TMTC1: variants seen among roughly 807,000 people sequenced by gnomAD.
The protein encoded by TMTC1 is transmembrane O-mannosyltransferase targeting cadherins 1.
A neutral mutation model predicts 104.8 loss-of-function variants in TMTC1; 73 were observed. That is an observed-to-expected ratio of 0.70 (90% CI 0.58 to 0.85). The LOEUF (loss-of-function observed/expected upper bound fraction) is 0.85. Among genes scored for constraint, TMTC1 ranks in the 40% least tolerant of loss-of-function variants. The probability of loss-of-function intolerance (pLI) is 0.00; values close to 1 mark genes in which losing one functional copy is unlikely to be tolerated. For synonymous variants in TMTC1, 434 were observed against 428.7 expected, an observed-to-expected ratio of 1.01 and a Z score of -0.15; for missense variants, 1,035 against 1,096.1, an observed-to-expected ratio of 0.94 and a Z score of 0.79.
At chr12:29,608,489 T>C (rs976023246) in intron 6 of TMTC1, among the ~76,000 whole-genome samples, 1 of 152,234 alleles carries the variant, frequency 6.6e-6, no homozygotes, top group Admixed American at 6.5e-5. Flanking sequence ...ACAGCCATTA[T>C]AATACATGAC....
intron 6 of TMTC1, among the ~76,000 whole-genome samples, chr12:29,610,697 G>T (rs1946823055): frequency 6.6e-6 from 1 of 152,220 alleles, no homozygotes; most frequent in Admixed American, 6.5e-5. Flanking sequence ...ACTGCGAGAT[G>T]TTTAGGGACA....
chr12:29,762,567 A>C (rs1943376412), intron 2 of TMTC1, among the ~76,000 whole-genome samples: 1 of 152,270 alleles, frequency 6.6e-6, no homozygotes, highest in South Asian at 2.1e-4. Context: ...TTATACACAC[A>C]CAGATGGACT....
At chr12:29,575,668 C>G (rs1464282192) in intron 8 of TMTC1, among the ~76,000 whole-genome samples, 1 of 152,144 alleles carries the variant, frequency 6.6e-6, no homozygotes, top group East Asian at 1.9e-4. Flanking sequence ...CCCACACTTA[C>G]AGCTGCTTCA....
In TMTC1 at chr12:29,598,528, T is replaced by C. The variant is rs1946472030; in HGVS notation, c.1250+5650A>G. Among the ~76,000 whole-genome samples, 6 of 152,356 alleles carry C rather than the reference T, an allele frequency of 3.9e-5. No homozygotes were observed. In the South Asian group the frequency reaches 1.2e-3, roughly 32 times the overall value. ...CCAATCCATGAACACAGGATATCTT[T>C]CCAATTTTTTCTTTCATTGAATTTT... On this transcript the variant is annotated intron_variant, in intron 7 of 17. Transcript: ENST00000539277.
intron 5 of TMTC1, chr12:29,658,621 T>G (rs1479953723): frequency 9.8e-6 from 2 of 204,926 alleles, no homozygotes; most frequent in Non-Finnish European, 2.1e-5. Flanking sequence ...CCTCCAGTTT[T>G]GCCACGGAAA....
At chr12:29,618,658 C>G (rs1163585499) in intron 6 of TMTC1, among the ~76,000 whole-genome samples, 1 of 151,992 alleles carries the variant, frequency 6.6e-6, no homozygotes, top group East Asian at 1.9e-4. Context: ...AGCTAATCAC[C>G]TAAAGAATCT....
At chr12:29,596,323 G>A (rs568060690) in intron 7 of TMTC1, among the ~76,000 whole-genome samples, 3 of 152,084 alleles carry the variant, frequency 2.0e-5, no homozygotes, top group South Asian at 2.1e-4. Flanking sequence ...TTTACTTTTC[G>A]TTACCCAAAC....
At chr12:29,650,843 G>T (rs1279289002) in intron 5 of TMTC1, among the ~76,000 whole-genome samples, 1 of 152,184 alleles carries the variant, frequency 6.6e-6, no homozygotes, top group African/African-American at 2.4e-5. Context: ...CAGGCTTGAG[G>T]ACTCTTGTTG....
rs1415566760 is a variant in TMTC1 at position 29,783,149 on chromosome 12, G to A, written c.302+301C>T. 1.5e-5 allele frequency: 5 copies of A among 335,182 alleles called. No individual in the cohort carries two copies. The highest frequency in any genetic ancestry group is 2.2e-5 in the Non-Finnish European group (4 of 185,982). 20.8% of individuals were successfully genotyped at this position (335,182 alleles called of 1,614,324 possible). A position where few individuals can be genotyped will look rare whatever the true frequency, so the allele number is the denominator to read the frequency against. On this transcript the variant is annotated intron_variant, in intron 1 of 17. Transcript: ENST00000539277. The surrounding 1 kb of genome is among the most constrained non-coding windows in gnomAD (Gnocchi z 4.7). ...CCGGCAGGCGAAGGGGTGCGGAGGC[G>A]GTTTCACCAGCCCGCTCCCAGCCCT...
At chr12:29,516,201 C>T in intron 15 of TMTC1, 148 bp downstream of exon 15, 1 of 903,830 alleles carries the variant, frequency 1.1e-6, no homozygotes, top group South Asian at 2.0e-5. Flanking sequence ...AAGGGGATAT[C>T]TGTGAAAAGT....
chr12:29,630,434 C>T (rs1419279931), intron 6 of TMTC1, among the ~76,000 whole-genome samples: 1 of 152,072 alleles, frequency 6.6e-6, no homozygotes, highest in Non-Finnish European at 1.5e-5. Context: ...TGGGTAACTG[C>T]CCCCATGAGT....
intron 5 of TMTC1, among the ~76,000 whole-genome samples, chr12:29,721,530 C>G (rs144431440): frequency 3.7e-4 from 56 of 151,854 alleles, no homozygotes; most frequent in Non-Finnish European, 1.8e-4. Flanking sequence ...CCAATAGCAC[C>G]GCCTGAAAAT....
intron 5 of TMTC1, among the ~76,000 whole-genome samples, chr12:29,710,916 A>AAT (rs3042145): frequency 0.35 from 18,004 of 52,096 alleles, 1,565 homozygotes; most frequent in Admixed American, 0.44. Context: ...ATAATATATA[A>AAT]ATATATATAA....
Position 29,502,630 on chromosome 12 carries a change from T to C in TMTC1, c.*4216A>G, listed in dbSNP as rs1036987149. Reference sequence around the variant, plus strand: ...CCACATAACCACCTATTTGTAATCATGGAATGATAGCCTCAACCAACCAAT... The same window carrying C: ...CCACATAACCACCTATTTGTAATCACGGAATGATAGCCTCAACCAACCAAT... On this transcript the variant is annotated 3_prime_UTR_variant, in exon 18 of 18. Coordinates refer to ENST00000539277, the MANE Select transcript of TMTC1 (RefSeq NM_001193451.2). The C allele has an allele frequency of 2.6e-5, 4 of 152,252 alleles. No homozygotes were observed. The highest frequency in any genetic ancestry group is 9.6e-5 in the African/African-American group (4 of 41,458). The allele number at this position is 152,252 out of a possible 1,614,324, so 9.4% of individuals were successfully genotyped here.
chr12:29,628,337 T>C (rs1938113177), intron 6 of TMTC1, among the ~76,000 whole-genome samples: 1 of 152,058 alleles, frequency 6.6e-6, no homozygotes, highest in Non-Finnish European at 1.5e-5. Flanking sequence ...AAGAATATGG[T>C]GTTAAGTGAA....
At chr12:29,579,938 T>C (rs1216394141) in intron 8 of TMTC1, among the ~76,000 whole-genome samples, 3 of 152,200 alleles carry the variant, frequency 2.0e-5, no homozygotes, top group African/African-American at 7.2e-5. Flanking sequence ...GGTTCAAATC[T>C]TGGCTTCTGT....
chr12:29,710,694 T>C (rs1941881223), intron 5 of TMTC1, among the ~76,000 whole-genome samples: 1 of 140,448 alleles, frequency 7.1e-6, no homozygotes, highest in Admixed American at 7.4e-5. Flanking sequence ...TAATTTTATA[T>C]ATTTATAAAT....
At chr12:29,761,994 T>A (rs1056052853) in intron 2 of TMTC1, among the ~76,000 whole-genome samples, 2 of 152,094 alleles carry the variant, frequency 1.3e-5, no homozygotes, top group East Asian at 3.9e-4. Flanking sequence ...AAGACCAGCC[T>A]GGGCAACAAG....
At chr12:29,767,671 C>T (rs1404302666) in intron 2 of TMTC1, among the ~76,000 whole-genome samples, 1 of 150,374 alleles carries the variant, frequency 6.7e-6, no homozygotes, top group Non-Finnish European at 1.5e-5. Flanking sequence ...GAAAAGTTGT[C>T]AACCAAAATG....
Sources: gnomAD v4.1 joint callset for allele counts (sites outside exome capture counted in the v4.1 genomes callset) on GRCh38, gnomAD v4.1.1 for gene constraint, Gnocchi (gnomAD v3.1) non-coding constraint, MANE v1.5 for transcripts, NCBI Gene and HGNC (gene_info 2026-07-23, HGNC 2026-07-21) for gene names.